Variants in MYO3A observed in about 807,000 individuals in gnomAD.
MYO3A encodes myosin-IIIa.
MYO3A carries 180 observed loss-of-function variants against 192.7 expected under a neutral mutation model. The observed-to-expected ratio is 0.93, with a 90% CI of 0.83 to 1.06. The LOEUF is 1.06. MYO3A is among the 50% of genes least tolerant of loss of function. MYO3A has a pLI of 0.00. For missense variants in MYO3A, 1,896 were observed against 1,905.0 expected, an observed-to-expected ratio of 1.00 and a Z score of 0.09; for synonymous variants, 628 against 645.3, an observed-to-expected ratio of 0.97 and a Z score of 0.41.
At chr10:25,961,637 G>A (rs3006260) in intron 4 of MYO3A, among the ~76,000 whole-genome samples, 6,010 of 151,798 alleles carry the variant, frequency 0.04, 202 homozygotes, top group Non-Finnish European at 0.058. Context: ...CAAAGTGGAG[G>A]GAAAAAAAAG....
At chr10:26,114,528 C>A (rs532916037) in intron 17 of MYO3A, among the ~76,000 whole-genome samples, 14 of 152,200 alleles carry the variant, frequency 9.2e-5, no homozygotes, top group African/African-American at 3.1e-4. Context: ...CTCATAAACT[C>A]TAACCACTCA....
intron 17 of MYO3A, among the ~76,000 whole-genome samples, chr10:26,107,325 CA>C (rs1837874140): frequency 6.6e-6 from 1 of 151,826 alleles, no homozygotes; most frequent in African/African-American, 2.4e-5. Flanking sequence ...ACTCAAAATA[CA>C]AAAAATTAGC....
intron 31 of MYO3A, among the ~76,000 whole-genome samples, chr10:26,182,325 C>CT (rs1842653082): frequency 6.6e-6 from 1 of 152,184 alleles, no homozygotes; most frequent in Non-Finnish European, 1.5e-5. Flanking sequence ...GCCATGCTGT[C>CT]TCAAGCCACT....
chr10:26,052,321 A>C (rs900334702), intron 10 of MYO3A, among the ~76,000 whole-genome samples: 1 of 152,156 alleles, frequency 6.6e-6, no homozygotes, highest in African/African-American at 2.4e-5. Context: ...TAAAGAAGTA[A>C]ATGTGAAAGA....
chr10:26,064,184 GA>G (rs1834672916), intron 10 of MYO3A, among the ~76,000 whole-genome samples: 1 of 152,140 alleles, frequency 6.6e-6, no homozygotes, highest in African/African-American at 2.4e-5. Flanking sequence ...GCCACTAATT[GA>G]CAAGGGCTCA....
At chr10:26,167,198 C>T (rs536943318) in intron 27 of MYO3A, among the ~76,000 whole-genome samples, 1 of 152,134 alleles carries the variant, frequency 6.6e-6, no homozygotes, top group South Asian at 2.1e-4. Flanking sequence ...CCCATATTTG[C>T]AAAGAAATTT....
At chr10:25,947,133 AGAT>A (rs1186307331) in intron 2 of MYO3A, among the ~76,000 whole-genome samples, 1 of 151,606 alleles carries the variant, frequency 6.6e-6, no homozygotes, top group African/African-American at 2.4e-5. Context: ...TTTGCCCTTC[AGAT>A]GATAATTACA....
chr10:26,084,934 AT>A (rs1836214856), intron 14 of MYO3A, among the ~76,000 whole-genome samples: 1 of 151,944 alleles, frequency 6.6e-6, no homozygotes, highest in Non-Finnish European at 1.5e-5. Context: ...TACTTCTTCA[AT>A]TTCTTTATTT....
intron 21 of MYO3A, 110 bp downstream of exon 21, chr10:26,143,711 G>A: frequency 3.0e-6 from 4 of 1,347,824 alleles, no homozygotes; most frequent in Non-Finnish European, 4.2e-6. Context: ...CTGTCACAAA[G>A]CCTGCATATT....
intron 23 of MYO3A, among the ~76,000 whole-genome samples, chr10:26,150,268 T>C (rs1840721841): frequency 6.6e-6 from 1 of 152,250 alleles, no homozygotes. Flanking sequence ...GCTTGCATCT[T>C]TGTTTATGAG....
chr10:26,055,303 T>C (rs1479591149), intron 10 of MYO3A, among the ~76,000 whole-genome samples: 1 of 152,114 alleles, frequency 6.6e-6, no homozygotes, highest in Admixed American at 6.5e-5. Flanking sequence ...AGGTTAGAAG[T>C]TGTCACTCCA....
chr10:25,960,802 A>G (rs1837883681), intron 4 of MYO3A, among the ~76,000 whole-genome samples: 2 of 152,228 alleles, frequency 1.3e-5, no homozygotes, highest in Non-Finnish European at 2.9e-5. Flanking sequence ...GGGTTGGCAC[A>G]GGTGGAAGAA....
At chr10:26,187,826 A>AT (rs568029562) in intron 31 of MYO3A, among the ~76,000 whole-genome samples, 1 of 151,802 alleles carries the variant, frequency 6.6e-6, no homozygotes, top group African/African-American at 2.4e-5. Flanking sequence ...TGAACTCATC[A>AT]TTTTTTGTGG....
chr10:26,104,925 A>G (rs1469929036), intron 17 of MYO3A, among the ~76,000 whole-genome samples: 1 of 151,886 alleles, frequency 6.6e-6, no homozygotes, highest in African/African-American at 2.4e-5. Flanking sequence ...ATGCATATAT[A>G]TGGTGAGATG....
intron 4 of MYO3A, among the ~76,000 whole-genome samples, chr10:25,981,508 G>C (rs555744294): frequency 1.3e-5 from 2 of 152,054 alleles, no homozygotes; most frequent in African/African-American, 4.8e-5. Context: ...CAAGCCACAG[G>C]GTTGGAGGAA....
chr10:26,013,525 A>T (rs1268748315), intron 6 of MYO3A, among the ~76,000 whole-genome samples: 1 of 152,148 alleles, frequency 6.6e-6, no homozygotes, highest in African/African-American at 2.4e-5. Flanking sequence ...GTTCAACATC[A>T]TTAATCATCA....
In MYO3A at chr10:25,935,807, C is replaced by G. The variant is rs1257987259; in HGVS notation, c.-41C>G. Reference sequence around the variant, plus strand: ...GTTTTGGCGTCTGAGCATTGTTATGCGTTATTTTCAAGCTTTGCTAACGGT... The same window carrying G: ...GTTTTGGCGTCTGAGCATTGTTATGGGTTATTTTCAAGCTTTGCTAACGGT... On this transcript the variant is annotated 5_prime_UTR_variant, in exon 2 of 35. Transcript: ENST00000642920. 1 of 152,082 alleles carries G rather than the reference C, an allele frequency of 6.6e-6. No homozygotes were observed. Among genetic ancestry groups the G allele is most frequent in the Admixed American group, 6.5e-5 (1 of 15,270 alleles). 9.4% of individuals were successfully genotyped at this position (152,082 alleles called of 1,614,324 possible).
Position 25,996,263 on chromosome 10 carries a change from A to T in MYO3A, c.304-227A>T, listed in dbSNP as rs565589017. ...TGAAAATCAAGCTCATGCTTCTCCA[A>T]ATTATCTTCTAAAAATTAATTCATG... is the stretch of plus-strand genomic sequence containing the variant. On this transcript the variant is annotated intron_variant, in intron 4 of 34. Coordinates refer to ENST00000642920, the MANE Select transcript of MYO3A (RefSeq NM_017433.5). Among the ~76,000 whole-genome samples, 8 of 152,324 alleles carry T rather than the reference A, an allele frequency of 5.3e-5. No homozygotes were observed. The South Asian group carries it at 1.7e-3, about 32-fold the overall frequency.
intron 6 of MYO3A, among the ~76,000 whole-genome samples, chr10:26,002,005 G>C (rs1840858750): frequency 6.6e-6 from 1 of 152,134 alleles, no homozygotes; most frequent in South Asian, 2.1e-4. Flanking sequence ...TGCCATCTGA[G>C]AAATGGAGAA....
Sources: gnomAD v4.1 joint callset for allele counts (sites outside exome capture counted in the v4.1 genomes callset) on GRCh38, gnomAD v4.1.1 for gene constraint, MANE v1.5 for transcripts, NCBI Gene and HGNC (gene_info 2026-07-23, HGNC 2026-07-21) for gene names.